The following WDR70 variants were observed in gnomAD, a reference collection of about 807,000 sequenced individuals.
The protein encoded by WDR70 is WD repeat-containing protein 70.
A neutral mutation model predicts 88.6 loss-of-function variants in WDR70; 53 were observed. The observed-to-expected ratio is 0.60, with a 90% CI of 0.48 to 0.75. WDR70 has a LOEUF of 0.75. Among genes scored for constraint, WDR70 ranks in the 30% least tolerant of loss-of-function variants. The probability of loss-of-function intolerance (pLI) is 0.00; values close to 1 mark genes in which losing one functional copy is unlikely to be tolerated. For missense variants in WDR70, 610 were observed against 823.2 expected, an observed-to-expected ratio of 0.74 and a Z score of 3.17; for synonymous variants, 280 against 270.0, an observed-to-expected ratio of 1.04 and a Z score of -0.36.
chr5:37,726,983 C>G lies in WDR70; in HGVS notation c.1815C>G (p.Ala605=). ...CCGATGACAGTAATCCTCGGGAAGC[C>G]ATTTTGCGTCATGCCAAAGCAGCAG... is the stretch of plus-strand genomic sequence containing the variant. The part of the protein sequence containing the change: ...DKTDDSNPRE[A]ILRHAKAAED... Residue 605 remains alanine, a synonymous_variant, in exon 17 of 18, where the codon GCC becomes GCG. Coordinates refer to ENST00000265107, the MANE Select transcript of WDR70 (RefSeq NM_018034.4). 1 of 1,611,326 alleles carries G rather than the reference C, an allele frequency of 6.2e-7. No homozygotes were observed. The highest frequency in any genetic ancestry group is 8.5e-7 in the Non-Finnish European group (1 of 1,178,762).
In WDR70 at chr5:37,441,424, G is replaced by T. The variant is rs572902160; in HGVS notation, c.553-1815G>T. On this transcript the variant is annotated intron_variant, in intron 6 of 17. Coordinates refer to ENST00000265107, the MANE Select transcript of WDR70 (RefSeq NM_018034.4). Reference sequence around the variant, plus strand: ...GGTATTTGCAAGTGCTAATTGAAATGAATATGTTACTTTGTCAGTATCTGA... The same window carrying T: ...GGTATTTGCAAGTGCTAATTGAAATTAATATGTTACTTTGTCAGTATCTGA... Among the ~76,000 whole-genome samples, 5 of 152,212 alleles carry T rather than the reference G, an allele frequency of 3.3e-5. No homozygotes were observed. In the East Asian group the frequency reaches 9.6e-4, roughly 29 times the overall value.
intron 10 of WDR70, among the ~76,000 whole-genome samples, chr5:37,611,164 G>A (rs1744180048): frequency 6.6e-6 from 1 of 152,060 alleles, no homozygotes; most frequent in African/African-American, 2.4e-5. Flanking sequence ...TTTGCTTTTA[G>A]TGGGTTTTTT....
chr5:37,741,660 C>G (rs1290248788), intron 17 of WDR70, among the ~76,000 whole-genome samples: 2 of 152,178 alleles, frequency 1.3e-5, no homozygotes, highest in Admixed American at 1.3e-4. Context: ...TGGTAATGCT[C>G]ACTCGCCCAC....
intron 13 of WDR70, among the ~76,000 whole-genome samples, chr5:37,703,456 G>A (rs1272218123): frequency 6.6e-6 from 1 of 152,192 alleles, no homozygotes; most frequent in Non-Finnish European, 1.5e-5. Flanking sequence ...AATAAGTGAC[G>A]AAGTTTAACA....
intron 13 of WDR70, among the ~76,000 whole-genome samples, chr5:37,710,346 T>A (rs973128844): frequency 6.6e-6 from 1 of 152,068 alleles, no homozygotes; most frequent in African/African-American, 2.4e-5. Context: ...GCTATCCCTC[T>A]ATAGTCACAC....
chr5:37,726,702 T>C (rs1185456545), intron 16 of WDR70, among the ~76,000 whole-genome samples, 181 bp from the exon 17 acceptor site: 2 of 152,188 alleles, frequency 1.3e-5, no homozygotes, highest in South Asian at 2.1e-4. Context: ...TATTTAAAAG[T>C]GCTATCGGGA....
chr5:37,732,935 A>G (rs1748193554), intron 17 of WDR70, among the ~76,000 whole-genome samples: 2 of 151,930 alleles, frequency 1.3e-5, no homozygotes, highest in African/African-American at 4.8e-5. Context: ...AAATTCCCTC[A>G]TATTCCCACT....
intron 10 of WDR70, among the ~76,000 whole-genome samples, chr5:37,638,965 T>TC (rs1201280915): frequency 6.6e-6 from 1 of 152,220 alleles, no homozygotes; most frequent in African/African-American, 2.4e-5. Context: ...CAAAAATGTA[T>TC]CTAACTTGAT....
intron 9 of WDR70, among the ~76,000 whole-genome samples, chr5:37,527,938 C>T (rs892075410): frequency 4.6e-5 from 7 of 152,198 alleles, no homozygotes; most frequent in Non-Finnish European, 2.9e-5. Context: ...GATACCATCT[C>T]TCACCAGTTA....
At chr5:37,747,451 C>T (rs1475907521) in intron 17 of WDR70, among the ~76,000 whole-genome samples, 1 of 152,008 alleles carries the variant, frequency 6.6e-6, no homozygotes, top group African/African-American at 2.4e-5. Context: ...AATTCAACAC[C>T]CCTTCATTTT....
intron 17 of WDR70, among the ~76,000 whole-genome samples, chr5:37,732,537 A>G (rs1748175821): frequency 6.6e-6 from 1 of 152,084 alleles, no homozygotes; most frequent in South Asian, 2.1e-4. Context: ...TATCTTTGCC[A>G]ATCTGATAGG....
intron 10 of WDR70, among the ~76,000 whole-genome samples, chr5:37,662,952 T>A (rs546840450): frequency 6.6e-6 from 1 of 152,154 alleles, no homozygotes; most frequent in Non-Finnish European, 1.5e-5. Context: ...TACAGTGTAA[T>A]CTTCTTGAAG....
chr5:37,419,348 G>A (rs1749868674), intron 5 of WDR70, among the ~76,000 whole-genome samples: 2 of 151,412 alleles, frequency 1.3e-5, no homozygotes, highest in Admixed American at 1.3e-4. Flanking sequence ...TGGGTTTATA[G>A]GCGCCTGCCA....
At chr5:37,678,174 A>C (rs1325875917) in intron 10 of WDR70, among the ~76,000 whole-genome samples, 1 of 151,774 alleles carries the variant, frequency 6.6e-6, no homozygotes, top group Non-Finnish European at 1.5e-5. Flanking sequence ...ATGGGTCTTG[A>C]CTCTTTATCC....
intron 9 of WDR70, among the ~76,000 whole-genome samples, chr5:37,588,778 T>G (rs998506195): frequency 6.6e-6 from 1 of 151,968 alleles, no homozygotes; most frequent in Non-Finnish European, 1.5e-5. Context: ...TATTCATTTA[T>G]TTTGAGACAG....
At chr5:37,435,204 TAAATG>T (rs1460163208) in intron 5 of WDR70, among the ~76,000 whole-genome samples, 3 of 152,210 alleles carry the variant, frequency 2.0e-5, no homozygotes, top group Admixed American at 6.5e-5. Flanking sequence ...TGCATTGAAA[TAAATG>T]AAATAATTTT....
chr5:37,604,908 A>G (rs1187253787), intron 9 of WDR70, among the ~76,000 whole-genome samples, 156 bp from the exon 10 acceptor site: 2 of 152,198 alleles, frequency 1.3e-5, no homozygotes, highest in African/African-American at 4.8e-5. Context: ...ATAAATAGAG[A>G]ATCTTTTACA....
At chr5:37,603,482 G>A (rs1159492818) in intron 9 of WDR70, among the ~76,000 whole-genome samples, 1 of 152,116 alleles carries the variant, frequency 6.6e-6, no homozygotes. Context: ...AGACTTAAAT[G>A]TAAGACCTGA....
rs201422988 is a variant in WDR70, at chr5:37,381,671, G to A, written c.161G>A (p.Ser54Asn). 9.5e-5 allele frequency: 153 copies of A among 1,611,014 alleles called. No individual in the cohort carries two copies. The highest frequency in any genetic ancestry group is 1.1e-4 in the Non-Finnish European group (133 of 1,177,932). Residue 54 changes from serine (S) to asparagine (N), a missense_variant, in exon 3 of 18, where the codon AGT (serine) becomes AAT (asparagine). By Grantham distance (46) the Ser-to-Asn change is conservative. This residue lies in a region of WDR70 where 203 missense variants were observed against 228.1 expected (regional missense o/e 0.89). Transcript: ENST00000265107. ...ACTCGAAGGACAGCTGTGGAAAGAA[G>A]TCGCAAAACACTGGGTAAGAAGCTC... is the stretch of plus-strand genomic sequence containing the variant. ...EQTRRTAVERSRKTLEAREKE... is the reference protein window; with the variant it reads ...EQTRRTAVERNRKTLEAREKE...
Sources: gnomAD v4.1 joint callset for allele counts (sites outside exome capture counted in the v4.1 genomes callset) on GRCh38, gnomAD v4.1.1 for gene constraint, gnomAD v4.1.1 regional missense constraint, MANE v1.5 for transcripts, NCBI Gene and HGNC (gene_info 2026-07-23, HGNC 2026-07-21) for gene names.